The following ADAMTSL1 variants were observed in gnomAD, a reference collection of about 807,000 sequenced individuals.
ADAMTSL1 encodes the protein ADAMTS like 1.
ADAMTSL1 carries 126 observed loss-of-function variants against 201.8 expected under a neutral mutation model. The observed-to-expected ratio is 0.62, with a 90% CI of 0.54 to 0.72. ADAMTSL1 has a LOEUF of 0.72. Among genes scored for constraint, ADAMTSL1 ranks in the 30% least tolerant of loss-of-function variants. The pLI is 0.00. For synonymous variants in ADAMTSL1, 1,121 were observed against 903.4 expected, an observed-to-expected ratio of 1.24 and a Z score of -4.32; for missense variants, 2,679 against 2,277.8, an observed-to-expected ratio of 1.18 and a Z score of -3.59.
intron 1 of ADAMTSL1, among the ~76,000 whole-genome samples, chr9:18,479,732 A>G (rs1270172822): frequency 2.0e-5 from 3 of 152,186 alleles, no homozygotes; most frequent in Non-Finnish European, 4.4e-5. Flanking sequence ...CTCTTTCAGA[A>G]TGCCTGGTAA....
chr9:18,573,547 C>T (rs1420762873), intron 3 of ADAMTSL1, among the ~76,000 whole-genome samples: 3 of 152,130 alleles, frequency 2.0e-5, no homozygotes, highest in African/African-American at 7.2e-5. Context: ...ATTACAACTC[C>T]ACAAAAACTT....
At chr9:17,975,108 A>G (rs151235746) in intron 1 of ADAMTSL1, among the ~76,000 whole-genome samples, 1 of 152,182 alleles carries the variant, frequency 6.6e-6, no homozygotes, top group African/African-American at 2.4e-5. Context: ...TATTTCACAG[A>G]AAGTCGTGAT....
At chr9:18,402,061 A>G (rs1049567030) in intron 2 of ADAMTSL1, among the ~76,000 whole-genome samples, 8 of 152,134 alleles carry the variant, frequency 5.3e-5, no homozygotes, top group African/African-American at 1.7e-4. Flanking sequence ...CACTCTTCTC[A>G]TTCCTGAGAG....
At chr9:18,049,736 G>A (rs1025678544) in intron 1 of ADAMTSL1, among the ~76,000 whole-genome samples, 2 of 151,538 alleles carry the variant, frequency 1.3e-5, no homozygotes, top group African/African-American at 4.9e-5. Context: ...CCATTCTCCC[G>A]CCTCAGCCTC....
At chr9:18,701,034 C>T (rs1368217697) in intron 13 of ADAMTSL1, among the ~76,000 whole-genome samples, 1 of 152,176 alleles carries the variant, frequency 6.6e-6, no homozygotes, top group Non-Finnish European at 1.5e-5. Flanking sequence ...CAACAATCAA[C>T]TGCATTCCAC....
At chr9:18,558,694 T>G (rs563540984) in intron 3 of ADAMTSL1, among the ~76,000 whole-genome samples, 1 of 152,110 alleles carries the variant, frequency 6.6e-6, no homozygotes, top group Non-Finnish European at 1.5e-5. Context: ...TTTTTTAATG[T>G]TCACCATTCT....
At chr9:18,101,553 T>A (rs1304060210) in intron 1 of ADAMTSL1, among the ~76,000 whole-genome samples, 1 of 151,156 alleles carries the variant, frequency 6.6e-6, no homozygotes, top group East Asian at 1.9e-4. Context: ...TCTGGAAAAG[T>A]TTGAAAACTT....
intron 23 of ADAMTSL1, among the ~76,000 whole-genome samples, chr9:18,881,714 T>G (rs1014968499): frequency 6.6e-6 from 1 of 152,168 alleles, no homozygotes; most frequent in Non-Finnish European, 1.5e-5. Context: ...AACCTTCAAT[T>G]TGTAACAAAT....
intron 2 of ADAMTSL1, among the ~76,000 whole-genome samples, chr9:18,228,432 T>C (rs1830511755): frequency 6.6e-6 from 1 of 152,096 alleles, no homozygotes; most frequent in Admixed American, 6.6e-5. Context: ...TTATTCTTAT[T>C]GGTTGATTGA....
intron 1 of ADAMTSL1, among the ~76,000 whole-genome samples, chr9:18,072,688 A>G (rs1347618623): frequency 6.6e-6 from 1 of 152,176 alleles, no homozygotes; most frequent in Non-Finnish European, 1.5e-5. Context: ...AAAATCTTGG[A>G]CCACTTGTAT....
At chr9:18,767,871 C>T (rs370854898) in intron 16 of ADAMTSL1, among the ~76,000 whole-genome samples, 1 of 152,196 alleles carries the variant, frequency 6.6e-6, no homozygotes, top group African/African-American at 2.4e-5. Flanking sequence ...GAATCATTAG[C>T]TCTGAGACCA....
intron 2 of ADAMTSL1, among the ~76,000 whole-genome samples, chr9:18,283,858 G>A (rs1208442039): frequency 7.1e-6 from 1 of 141,154 alleles, no homozygotes; most frequent in Admixed American, 7.8e-5. Flanking sequence ...CTTGCAGTGA[G>A]CTGAGATTGA....
At chr9:18,199,003 G>T (rs964009399) in intron 2 of ADAMTSL1, among the ~76,000 whole-genome samples, 1 of 141,764 alleles carries the variant, frequency 7.1e-6, no homozygotes, top group African/African-American at 2.6e-5. Flanking sequence ...GTAAACTATC[G>T]CAAGAACAAA....
At chr9:18,469,670 A>G (rs575672240), upstream of ADAMTSL1, among the ~76,000 whole-genome samples, 11 of 152,346 alleles carry the variant, frequency 7.2e-5, no homozygotes, top group East Asian at 1.9e-3. Context: ...TAATAAATGC[A>G]TGTCCCATGC....
At chr9:18,488,459 G>A (rs1822105946) in intron 1 of ADAMTSL1, among the ~76,000 whole-genome samples, 1 of 152,058 alleles carries the variant, frequency 6.6e-6, no homozygotes, top group Non-Finnish European at 1.5e-5. Flanking sequence ...AGCTTTCTTG[G>A]TAATTCTGAT....
At chr9:18,069,274 G>C (rs1264046708) in intron 1 of ADAMTSL1, among the ~76,000 whole-genome samples, 1 of 152,104 alleles carries the variant, frequency 6.6e-6, no homozygotes, top group Non-Finnish European at 1.5e-5. Flanking sequence ...TCGAGTTGAA[G>C]AAAATATACA....
At chr9:18,609,774 A>T (rs1003230156) in intron 4 of ADAMTSL1, among the ~76,000 whole-genome samples, 1 of 152,228 alleles carries the variant, frequency 6.6e-6, no homozygotes, top group Admixed American at 6.5e-5. Context: ...GAAATAGAAG[A>T]TTTGAAAATA....
chr9:18,227,953 G>A lies in ADAMTSL1; in HGVS notation c.207+63972G>A, dbSNP rs1319541427. 2.0e-5 allele frequency among the ~76,000 whole-genome samples: 3 copies of A among 152,116 alleles called. No individual in the cohort carries two copies. In the East Asian group the frequency reaches 5.8e-4, roughly 29 times the overall value. ...GAAATAATATTAAGGTTCATTGTTT[G>A]GAACTCACAATGCATTCTTCCACTT... On this transcript the variant is annotated intron_variant, in intron 2 of 29. Transcript: ENST00000680146.
At chr9:18,131,743 T>C (rs1194909072) in intron 1 of ADAMTSL1, among the ~76,000 whole-genome samples, 1 of 152,132 alleles carries the variant, frequency 6.6e-6, no homozygotes, top group Non-Finnish European at 1.5e-5. Flanking sequence ...ATCTAGGTGA[T>C]GACTCCCGAA....
Sources: allele counts gnomAD v4.1 joint callset (sites outside exome capture counted in the v4.1 genomes callset), GRCh38; gene constraint gnomAD v4.1.1; transcripts MANE v1.5; gene names NCBI Gene and HGNC (gene_info 2026-07-23, HGNC 2026-07-21).